The following PAK3 variants were observed in gnomAD, a reference collection of about 807,000 sequenced individuals.
PAK3 encodes p21 (RAC1) activated kinase 3.
A neutral mutation model predicts 41.0 loss-of-function variants in PAK3; 4 were observed. That is an observed-to-expected ratio of 0.10 (90% CI 0.05 to 0.22). The LOEUF is 0.22. Among genes scored for constraint, PAK3 ranks in the 10% least tolerant of loss-of-function variants. PAK3 has a pLI of 1.00. For synonymous variants in PAK3, 146 were observed against 139.6 expected (o/e 1.05, Z -0.32); for missense variants, 205 against 409.9 (o/e 0.50, Z 4.32).
intron 16 of PAK3, among the ~76,000 whole-genome samples, chrX:111,204,100 T>C (rs2094712948): frequency 9.0e-6 from 1 of 111,291 alleles, no homozygotes; most frequent in South Asian, 3.8e-4. Flanking sequence ...ATATTGCCTG[T>C]CAAAAGATAG....
chrX:111,195,099 G>C lies in PAK3; in HGVS notation c.1110+681G>C, dbSNP rs755430113. Among the ~76,000 whole-genome samples, 12 of 112,190 alleles carry C rather than the reference G, an allele frequency of 1.1e-4. No homozygotes were observed. The South Asian group carries it at 4.1e-3, about 39-fold the overall frequency. On this transcript the variant is annotated intron_variant, in intron 14 of 17. Transcript: ENST00000372007. Reference sequence around the variant, plus strand: ...GTGGTGAGGTTTTCTATCAACAAAAGTAGGAACTCTGACTCACTGAAACTT... The same window carrying C: ...GTGGTGAGGTTTTCTATCAACAAAACTAGGAACTCTGACTCACTGAAACTT...
chrX:111,117,377 G>A (rs1311874096), intron 4 of PAK3, among the ~76,000 whole-genome samples: 2 of 111,668 alleles, frequency 1.8e-5, no homozygotes, highest in African/African-American at 6.5e-5. Flanking sequence ...TTTCATTTGT[G>A]ACCTTGGGCA....
At position 111,149,713 on chromosome X, in the gene PAK3, C is replaced by T. The variant is rs1332288289; in HGVS notation, c.430+1823C>T. 4.5e-5 allele frequency among the ~76,000 whole-genome samples: 5 copies of T among 111,930 alleles called. No individual in the cohort carries two copies. The East Asian group carries it at 1.4e-3, about 32-fold the overall frequency. ...CACAGGGCACCAAGCCCCTAAGCTG[C>T]ACACAGCACGGGGACCCTGGAGCTG... On this transcript the variant is annotated intron_variant, in intron 7 of 17. Coordinates refer to ENST00000372007, the MANE Select transcript of PAK3 (RefSeq NM_002578.5).
At chrX:111,172,811 T>C (rs186226661) in intron 10 of PAK3, among the ~76,000 whole-genome samples, 4 of 111,760 alleles carry the variant, frequency 3.6e-5, no homozygotes, top group Non-Finnish European at 7.5e-5. Context: ...ATAAAACTAT[T>C]TGTTATTTTA....
chrX:111,038,132 G>C (rs188714064), intron 1 of PAK3, among the ~76,000 whole-genome samples: 1 of 112,167 alleles, frequency 8.9e-6, no homozygotes, highest in East Asian at 2.8e-4. Flanking sequence ...TGTATGCAAA[G>C]CATCAGGCAT....
chrX:110,997,240 G>A (rs1186657337), intron 1 of PAK3, among the ~76,000 whole-genome samples: 1 of 111,172 alleles, frequency 9.0e-6, no homozygotes, highest in African/African-American at 3.3e-5. Flanking sequence ...GTTATTGTAA[G>A]AGCTTTGGCT....
intron 7 of PAK3, among the ~76,000 whole-genome samples, chrX:111,149,616 G>T (rs1263141266): frequency 2.7e-5 from 3 of 112,429 alleles, no homozygotes; most frequent in Non-Finnish European, 5.6e-5. Flanking sequence ...CAAGGCTTGG[G>T]GATTCCACCC....
intron 16 of PAK3, among the ~76,000 whole-genome samples, chrX:111,201,924 T>A (rs1343196845): frequency 9.0e-6 from 1 of 110,652 alleles, no homozygotes; most frequent in East Asian, 2.8e-4. Context: ...GGGTTTTTTT[T>A]ACCCACTCAT....
chrX:110,956,438 C>T (rs1174918869), intron 1 of PAK3, among the ~76,000 whole-genome samples: 1 of 111,250 alleles, frequency 9.0e-6, no homozygotes, highest in Non-Finnish European at 1.9e-5. Flanking sequence ...CTGGCTCCCA[C>T]CCCAGAAAAT....
At chrX:111,211,230 G>T (rs1407822535) in intron 16 of PAK3, among the ~76,000 whole-genome samples, 1 of 110,585 alleles carries the variant, frequency 9.0e-6, no homozygotes, top group East Asian at 2.8e-4. Flanking sequence ...ACTGGAACTG[G>T]AAAGGTGGGC....
At chrX:111,105,754 G>C (rs1203985101) in intron 4 of PAK3, among the ~76,000 whole-genome samples, 1 of 110,960 alleles carries the variant, frequency 9.0e-6, no homozygotes, top group Non-Finnish European at 1.9e-5. Context: ...TTCACACTGA[G>C]ACATCATCAC....
Position 111,213,914 on chromosome X carries a change from G to A in PAK3, c.1408-2507G>A, listed in dbSNP as rs982367497. Among the ~76,000 whole-genome samples the A allele has an allele frequency of 5.3e-5, 6 of 112,189 alleles. No homozygotes were observed. In the Admixed American group the frequency reaches 5.7e-4, roughly 11 times the overall value. The stretch of plus-strand genomic sequence containing the variant: ...TAGCCCAATCAGTGATTTTCTAAAA[G>A]CATCCCATCTCCTTTTAGTCAAAAC... On this transcript the variant is annotated intron_variant, in intron 16 of 17. Transcript: ENST00000372007.
chrX:111,066,485 A>T (rs773576068), intron 1 of PAK3, among the ~76,000 whole-genome samples: 2 of 112,139 alleles, frequency 1.8e-5, no homozygotes, highest in African/African-American at 6.5e-5. Context: ...ATGGCCAAGC[A>T]TGTGGTCCAT....
At chrX:111,206,056 A>G (rs2094743599) in intron 16 of PAK3, among the ~76,000 whole-genome samples, 1 of 111,337 alleles carries the variant, frequency 9.0e-6, no homozygotes, top group Non-Finnish European at 1.9e-5. Flanking sequence ...AAGGACCAGG[A>G]GCAATGGAGC....
At chrX:110,970,261 T>C (rs1192119952) in intron 1 of PAK3, among the ~76,000 whole-genome samples, 1 of 112,149 alleles carries the variant, frequency 8.9e-6, no homozygotes, top group Non-Finnish European at 1.9e-5. Context: ...TTGTTTGTTT[T>C]TTTCTTGTAA....
intron 1 of PAK3, among the ~76,000 whole-genome samples, chrX:110,985,655 G>A (rs1465816430): frequency 8.9e-6 from 1 of 112,122 alleles, no homozygotes; most frequent in Non-Finnish European, 1.9e-5. Context: ...AGTTTGGTCA[G>A]GAGGAATAAT....
intron 5 of PAK3, among the ~76,000 whole-genome samples, chrX:111,133,894 G>A (rs1046733872): frequency 8.9e-6 from 1 of 111,928 alleles, no homozygotes; most frequent in East Asian, 2.8e-4. Context: ...CTAAATTTAT[G>A]TAGGAAAGCA....
intron 16 of PAK3, among the ~76,000 whole-genome samples, chrX:111,197,369 T>C (rs1156678159): frequency 1.8e-5 from 2 of 112,312 alleles, no homozygotes; most frequent in African/African-American, 6.5e-5. Context: ...CTACTGTGAA[T>C]AGTGCTGTGA....
At chrX:110,946,595 G>A (rs986458980) in intron 1 of PAK3, among the ~76,000 whole-genome samples, 1 of 112,191 alleles carries the variant, frequency 8.9e-6, no homozygotes, top group Non-Finnish European at 1.9e-5. Context: ...GACCTTTACA[G>A]TGAATTTCTT....
Sources: allele counts gnomAD v4.1 joint callset (sites outside exome capture counted in the v4.1 genomes callset), GRCh38; gene constraint gnomAD v4.1.1; transcripts MANE v1.5; gene names NCBI Gene and HGNC (gene_info 2026-07-23, HGNC 2026-07-21).